Variants in IKZF4 observed in about 807,000 individuals in gnomAD.
The protein encoded by IKZF4 is IKAROS family zinc finger 4.
A neutral mutation model predicts 47.7 loss-of-function variants in IKZF4; 11 were observed. That is an observed-to-expected ratio of 0.23 (90% CI 0.15 to 0.38). The LOEUF is 0.38. Among genes scored for constraint, IKZF4 ranks in the 10% least tolerant of loss-of-function variants. IKZF4 has a pLI of 1.00. For missense variants in IKZF4, 557 were observed against 784.9 expected (o/e 0.71, Z 3.47); for synonymous variants, 298 against 299.4 (o/e 1.00, Z 0.05).
rs1895070497 is a variant in IKZF4 at position 56,032,670 on chromosome 12, G to A, written c.825G>A (p.Gln275=). The change falls in exon 6 of 8, where the codon CAG becomes CAA. Residue 275 remains glutamine (Q), a synonymous_variant. Transcript: ENST00000547167. ...EHKERCHNYL[Q]SLSTEAQALA... is the part of the protein sequence containing the mutation. Reference sequence around the variant, plus strand: ...AGGAGCGGTGCCATAACTACCTACAGAGTCTCAGCACTGAAGCCCAAGCTT... The same window carrying A: ...AGGAGCGGTGCCATAACTACCTACAAAGTCTCAGCACTGAAGCCCAAGCTT... 6.2e-7 allele frequency: 1 copy of A among 1,614,030 alleles called. No homozygotes were observed. Among genetic ancestry groups the A allele is most frequent in the Non-Finnish European group, 8.5e-7 (1 of 1,179,898 alleles).
At chr12:56,018,003 AGGAT>A (rs1219094336), upstream of IKZF4, 1 of 519,870 alleles carries the variant, frequency 1.9e-6, no homozygotes, top group East Asian at 6.9e-5. Flanking sequence ...TTTCTTCTTT[AGGAT>A]AGTATCAGAC....
intron 1 of IKZF4, among the ~76,000 whole-genome samples, chr12:56,008,967 G>C (rs927783410): frequency 6.6e-6 from 1 of 152,108 alleles, no homozygotes; most frequent in Non-Finnish European, 1.5e-5. Context: ...ATGAGCCACC[G>C]TGCCTGGCCA....
rs769908684 is a variant in IKZF4, at chr12:56,034,682, G to A, written c.1109G>A (p.Gly370Glu). 6.8e-6 allele frequency: 11 copies of A among 1,613,926 alleles called. No individual in the cohort carries two copies. The highest frequency in any genetic ancestry group is 1.3e-5 in the African/African-American group (1 of 74,934). Reference sequence around the variant, plus strand: ...CACCACAGCCTAGAGCCTGGCTTTGGAAGTTCCCTGGCCTTTGTGGGTGCA... The same window carrying A: ...CACCACAGCCTAGAGCCTGGCTTTGAAAGTTCCCTGGCCTTTGTGGGTGCA... ...VAHHSLEPGF[G>E]SSLAFVGAEH... is the part of the protein sequence containing the mutation. The change falls in exon 8 of 8, where the codon GGA (glycine) becomes GAA (glutamate). Residue 370 changes from glycine to glutamate, a missense_variant. By Grantham distance (98) the Gly-to-Glu change is moderately conservative. Transcript: ENST00000547167.
upstream of IKZF4, among the ~76,000 whole-genome samples, chr12:56,019,580 C>G (rs182719709): frequency 6.6e-6 from 1 of 152,118 alleles, no homozygotes; most frequent in Non-Finnish European, 1.5e-5. Flanking sequence ...TTGTGAGGAG[C>G]GAGCCAGTCC....
chr12:56,007,883 G>A (rs932224019), intron 1 of IKZF4: 1 of 152,864 alleles, frequency 6.5e-6, no homozygotes, highest in African/African-American at 2.4e-5. Flanking sequence ...GTTGGGCTGG[G>A]GCCGGAGGGT....
chr12:56,007,814 G>GC (rs1280252704), intron 1 of IKZF4: 1 of 152,174 alleles, frequency 6.6e-6, no homozygotes, highest in Non-Finnish European at 1.5e-5. Flanking sequence ...AGGGGCTCTG[G>GC]CGTGAAGGAG....
At position 56,021,100 on chromosome 12, in the gene IKZF4, AG is replaced by A. The variant is rs1892834514; in HGVS notation, c.-390del. 1 of 1,331,274 alleles carries A rather than the reference AG, an allele frequency of 7.5e-7. No homozygotes were observed. The highest frequency in any genetic ancestry group is 9.6e-7 in the Non-Finnish European group (1 of 1,039,254). 82.5% of individuals were successfully genotyped at this position (1,331,274 alleles called of 1,614,324 possible). On this transcript the variant is annotated 5_prime_UTR_variant, in exon 1 of 8. Transcript: ENST00000547167. Reference sequence around the variant, plus strand: ...AGTTCCTCTTTGTCTGCTGGGCACGAGGGGCAACAGCATCTGCCTTTCCCTC... The same window carrying A: ...AGTTCCTCTTTGTCTGCTGGGCACGAGGGCAACAGCATCTGCCTTTCCCTC...
upstream of IKZF4, among the ~76,000 whole-genome samples, chr12:56,019,695 CA>C (rs1488759966): frequency 6.6e-6 from 1 of 152,222 alleles, no homozygotes; most frequent in African/African-American, 2.4e-5. Flanking sequence ...GGATAAAATC[CA>C]GTCCCTACCA....
At chr12:56,026,703 A>T in intron 3 of IKZF4, 78 bp from the exon 4 acceptor site, 3 of 1,348,396 alleles carry the variant, frequency 2.2e-6, no homozygotes, top group Non-Finnish European at 2.9e-6. Context: ...AAAAAAAAAA[A>T]AAAAAGAGTG....
At chr12:56,023,805 T>C in intron 2 of IKZF4, 41 bp downstream of exon 2, 1 of 1,600,830 alleles carries the variant, frequency 6.2e-7, no homozygotes, top group Non-Finnish European at 8.5e-7. Context: ...AAAGTACTAA[T>C]AGGTGGACTT....
chr12:56,014,191 A>G (rs962356506), intron 2 of IKZF4, among the ~76,000 whole-genome samples: 1 of 152,000 alleles, frequency 6.6e-6, no homozygotes, highest in African/African-American at 2.4e-5. Flanking sequence ...AGAAACAAAC[A>G]AACAAAAACC....
chr12:56,037,752 T>A lies in IKZF4; in HGVS notation c.*2421T>A, dbSNP rs1363377904. On this transcript the variant is annotated 3_prime_UTR_variant, in exon 8 of 8. Coordinates refer to ENST00000547167, the MANE Select transcript of IKZF4 (RefSeq NM_022465.4). ...GACCATCACTGCACTTTAACCAGGGTCTTAGGTACAAAATCCTACTTTTCA... is the reference window on the plus strand; with the variant it reads ...GACCATCACTGCACTTTAACCAGGGACTTAGGTACAAAATCCTACTTTTCA... 1 of 152,096 alleles carries A rather than the reference T, an allele frequency of 6.6e-6. No homozygotes were observed. Among genetic ancestry groups the A allele is most frequent in the East Asian group, 1.9e-4 (1 of 5,174 alleles). 9.4% of individuals were successfully genotyped at this position (152,096 alleles called of 1,614,324 possible). A position where few individuals can be genotyped will look rare whatever the true frequency, so the allele number is the denominator to read the frequency against.
chr12:56,024,281 A>C (rs1215634711), intron 2 of IKZF4, among the ~76,000 whole-genome samples: 1 of 152,232 alleles, frequency 6.6e-6, no homozygotes. Context: ...GACTTTCTAG[A>C]GTAATCAAAT....
chr12:56,008,889 C>A (rs555239956), intron 1 of IKZF4, among the ~76,000 whole-genome samples: 1 of 152,086 alleles, frequency 6.6e-6, no homozygotes, highest in South Asian at 2.1e-4. Context: ...GTTGGCCAGG[C>A]TGGTCTTGAA....
chr12:56,030,242 T>TTCG lies in IKZF4; in HGVS notation c.715+2298_715+2300dup, dbSNP rs1332397800. On this transcript the variant is annotated intron_variant, in intron 5 of 7. Coordinates refer to ENST00000547167, the MANE Select transcript of IKZF4 (RefSeq NM_022465.4). ...ACCAGCCAGAGCAACATAGTGAGAC[T>TTCG]TCGTCTCTACTACAAAAACAAAAAC... Among the ~76,000 whole-genome samples, 14 of 150,540 alleles carry TTCG rather than the reference T, an allele frequency of 9.3e-5. No homozygotes were observed. The South Asian group carries it at 1.9e-3, about 20-fold the overall frequency.
upstream of IKZF4, chr12:56,018,189 G>A: frequency 1.6e-6 from 2 of 1,289,112 alleles, no homozygotes; most frequent in Non-Finnish European, 2.0e-6. Context: ...TATGCCTTCT[G>A]TGTGTTCTAT....
upstream of IKZF4, among the ~76,000 whole-genome samples, chr12:56,016,991 A>G (rs969306287): frequency 2.6e-5 from 4 of 152,018 alleles, no homozygotes; most frequent in African/African-American, 9.7e-5. Flanking sequence ...CAGCCTCCCA[A>G]AGTGCTGGAA....
At chr12:56,033,654 C>T (rs1895237795) in intron 7 of IKZF4, among the ~76,000 whole-genome samples, 2 of 151,924 alleles carry the variant, frequency 1.3e-5, no homozygotes, top group Non-Finnish European at 2.9e-5. Context: ...TTGCAGTGAG[C>T]GGAGATCGCG....
rs1463855177 is a variant in IKZF4, at chr12:56,038,346, A to C, written c.*3015A>C. ...TTTGTATATGTAATATATTGTAAGTAAATATTTGTGTAACGGAGATATACT... is the reference window on the plus strand; with the variant it reads ...TTTGTATATGTAATATATTGTAAGTCAATATTTGTGTAACGGAGATATACT... On this transcript the variant is annotated 3_prime_UTR_variant, in exon 8 of 8. Transcript: ENST00000547167. 1 of 152,586 alleles carries C rather than the reference A, an allele frequency of 6.6e-6. No individual in the cohort carries two copies. Among genetic ancestry groups the C allele is most frequent in the Non-Finnish European group, 1.5e-5 (1 of 68,038 alleles). 9.5% of individuals were successfully genotyped at this position (152,586 alleles called of 1,614,324 possible). A position where few individuals can be genotyped will look rare whatever the true frequency, so the allele number is the denominator to read the frequency against.
Sources: allele counts gnomAD v4.1 joint callset (sites outside exome capture counted in the v4.1 genomes callset), GRCh38; gene constraint gnomAD v4.1.1; transcripts MANE v1.5; gene names NCBI Gene and HGNC (gene_info 2026-07-23, HGNC 2026-07-21).